Variants in LIN37 observed in about 807,000 individuals in gnomAD.
The protein encoded by LIN37 is protein lin-37 homolog.
A neutral mutation model predicts 38.0 loss-of-function variants in LIN37; 21 were observed. The ratio of observed to expected loss-of-function variants is 0.55; its 90% CI spans 0.39 to 0.80. LIN37 has a LOEUF of 0.80. Ranked by LOEUF, LIN37 falls within the 30% of genes least tolerant of loss-of-function variation. The pLI, the probability that LIN37 is intolerant of heterozygous loss-of-function variation, is 0.00. For synonymous variants in LIN37, 126 were observed against 122.9 expected (o/e 1.03, Z -0.17); for missense variants, 273 against 338.5 (o/e 0.81, Z 1.52).
intron 1 of LIN37, among the ~76,000 whole-genome samples, chr19:35,749,874 G>C (rs1473325102): frequency 1.3e-5 from 2 of 152,042 alleles, no homozygotes; most frequent in Non-Finnish European, 2.9e-5. Context: ...CACAAATGAT[G>C]GTGAGGGAAG....
intron 7 of LIN37, 24 bp downstream of exon 7, chr19:35,754,181 G>T: frequency 2.5e-6 from 4 of 1,613,982 alleles, no homozygotes; most frequent in Non-Finnish European, 3.4e-6. Flanking sequence ...GCTGGCCCAG[G>T]GTTATGGGGC....
chr19:35,750,620 CATTTCCCGAGGGGGAAAAAA>C (rs946886520), intron 1 of LIN37, among the ~76,000 whole-genome samples: 3 of 152,174 alleles, frequency 2.0e-5, no homozygotes, highest in African/African-American at 7.2e-5. Flanking sequence ...GCCTAGATCT[CATTTCCCGAGGGGGAAAAAA>C]AAGCCCAAAC....
Position 35,752,647 on chromosome 19 carries a change from T to C in LIN37, c.162-157T>C, listed in dbSNP as rs540435575. The C allele has an allele frequency of 2.1e-5, 27 of 1,269,290 alleles. No individual in the cohort carries two copies. The Admixed American group carries it at 5.4e-4, about 25-fold the overall frequency. 78.6% of individuals were successfully genotyped at this position (1,269,290 alleles called of 1,614,324 possible). A position where few individuals can be genotyped will look rare whatever the true frequency, so the allele number is the denominator to read the frequency against. The stretch of plus-strand genomic sequence containing the variant: ...GGAGAAGCTTAGGTCCCCCCGTGGT[T>C]GCCACCTAGACCCCCATGGGTATGG... On this transcript the variant is annotated intron_variant, in intron 3 of 8. Transcript: ENST00000301159.
intron 1 of LIN37, chr19:35,749,099 C>A: frequency 1.5e-6 from 1 of 665,884 alleles, no homozygotes; most frequent in Non-Finnish European, 1.9e-6. Flanking sequence ...CGCTATATTG[C>A]CCAGGCTGGT....
At chr19:35,749,030 TTTTC>T in intron 1 of LIN37, 1 of 1,189,542 alleles carries the variant, frequency 8.4e-7, no homozygotes, top group Non-Finnish European at 1.1e-6. Flanking sequence ...AGAAGGGCCC[TTTTC>T]TTTCCTCTTT....
intron 6 of LIN37, 34 bp from the exon 7 acceptor site, chr19:35,753,983 T>C (rs200898653): frequency 6.2e-7 from 1 of 1,605,864 alleles, no homozygotes; most frequent in Non-Finnish European, 8.5e-7. Flanking sequence ...GCTTTGACTC[T>C]CTTGGGCCTG....
chr19:35,752,677 G>C, intron 3 of LIN37, 127 bp from the exon 4 acceptor site: 1 of 1,384,834 alleles, frequency 7.2e-7, no homozygotes, highest in South Asian at 1.2e-5. Context: ...GTATGGGTGG[G>C]ACAAAAGGCC....
chr19:35,749,385 G>A (rs540318695), intron 1 of LIN37, among the ~76,000 whole-genome samples: 1 of 152,270 alleles, frequency 6.6e-6, no homozygotes, highest in East Asian at 1.9e-4. Flanking sequence ...GGGTTGGGGC[G>A]GAGCTGACCG....
chr19:35,752,026 A>G, intron 1 of LIN37, 150 bp from the exon 2 acceptor site: 1 of 615,584 alleles, frequency 1.6e-6, no homozygotes, highest in Non-Finnish European at 2.9e-6. Flanking sequence ...CACTCCAGCC[A>G]TCTCTGCCTG....
intron 6 of LIN37, chr19:35,753,629 G>A: frequency 2.0e-6 from 1 of 489,916 alleles, no homozygotes; most frequent in Non-Finnish European, 3.7e-6. Context: ...TAAGCCATCT[G>A]ACCCAGCGGG....
At chr19:35,748,860 C>T in intron 1 of LIN37, 102 bp downstream of exon 1, 1 of 1,601,390 alleles carries the variant, frequency 6.2e-7, no homozygotes, top group Non-Finnish European at 8.5e-7. Flanking sequence ...CACGACTTTT[C>T]CCTGAAGCCC....
intron 1 of LIN37, 147 bp from the exon 2 acceptor site, chr19:35,752,029 T>A: frequency 1.6e-6 from 1 of 620,744 alleles, no homozygotes; most frequent in South Asian, 1.8e-5. Flanking sequence ...TCCAGCCATC[T>A]CTGCCTGTTG....
intron 1 of LIN37, among the ~76,000 whole-genome samples, chr19:35,749,367 A>C (rs1970648969): frequency 6.6e-6 from 1 of 152,130 alleles, no homozygotes; most frequent in Non-Finnish European, 1.5e-5. Flanking sequence ...GAAAGAGGAG[A>C]GAATTTTGGG....
chr19:35,754,233 T>C lies in LIN37; in HGVS notation c.586-13T>C, dbSNP rs1970722389. 3 of 1,614,032 alleles carry C rather than the reference T, an allele frequency of 1.9e-6. No individual in the cohort carries two copies. Among genetic ancestry groups the C allele is most frequent in the Non-Finnish European group, 2.5e-6 (3 of 1,179,890 alleles). The stretch of plus-strand genomic sequence containing the variant: ...AGGAATGGCCACTCAACCTGGCCTG[T>C]CTGTCCATGCAGCCCTCTGAGCCCG... On this transcript the variant is annotated splice_polypyrimidine_tract_variant and intron_variant, in intron 7 of 8. Transcript: ENST00000301159.
At position 35,754,273 on chromosome 19, in the gene LIN37, A is replaced by T. The variant is rs1351468047; in HGVS notation, c.613A>T (p.Thr205Ser). The change falls in exon 8 of 9, where the codon ACA becomes TCA. Residue 205 changes from threonine to serine, a missense_variant. Coordinates refer to ENST00000301159, the MANE Select transcript of LIN37 (RefSeq NM_019104.3). The stretch of plus-strand genomic sequence containing the variant: ...CTCTGAGCCCGAGCCCTCACCCTCC[A>T]CACTCATCTATCGCAACATGCAGCG... ...EPSEPEPSPS[T>S]LIYRNMQRWK... 6.2e-7 allele frequency: 1 copy of T among 1,613,948 alleles called. No homozygotes were observed. Among genetic ancestry groups the T allele is most frequent in the Non-Finnish European group, 8.5e-7 (1 of 1,179,876 alleles).
rs1215191941 is a variant in LIN37 at position 35,754,519 on chromosome 19, A to C, written c.*45A>C. ...ACCAGTAAACATCCCCCAGCTCCACACTGGTGTCTGCTCCGGTCCCTCCTT... is the reference window on the plus strand; with the variant it reads ...ACCAGTAAACATCCCCCAGCTCCACCCTGGTGTCTGCTCCGGTCCCTCCTT... On this transcript the variant is annotated 3_prime_UTR_variant, in exon 9 of 9. Coordinates refer to ENST00000301159, the MANE Select transcript of LIN37 (RefSeq NM_019104.3). 1 of 1,558,532 alleles carries C rather than the reference A, an allele frequency of 6.4e-7. No individual in the cohort carries two copies. Among genetic ancestry groups the C allele is most frequent in the East Asian group, 2.2e-5 (1 of 44,550 alleles).
At chr19:35,751,933 G>A (rs1452783584) in intron 1 of LIN37, 1 of 356,502 alleles carries the variant, frequency 2.8e-6, no homozygotes. Context: ...AACCCAAAAG[G>A]CTCATAAGGT....
chr19:35,749,729 G>A (rs1310052713), intron 1 of LIN37, among the ~76,000 whole-genome samples: 7 of 151,412 alleles, frequency 4.6e-5, no homozygotes, highest in African/African-American at 1.5e-4. Context: ...CGCTGGAGCC[G>A]GGGAGGCGGA....
At chr19:35,750,086 T>G (rs1599735633) in intron 1 of LIN37, among the ~76,000 whole-genome samples, 4 of 143,360 alleles carry the variant, frequency 2.8e-5, no homozygotes, top group African/African-American at 1.1e-4. Context: ...AGGACCAGGA[T>G]GGGTAGAGTA....
Sources: allele counts gnomAD v4.1 joint callset (sites outside exome capture counted in the v4.1 genomes callset), GRCh38; gene constraint gnomAD v4.1.1; transcripts MANE v1.5; gene names NCBI Gene and HGNC (gene_info 2026-07-23, HGNC 2026-07-21).